Variants in SLC22A23 observed in about 807,000 individuals in gnomAD.
SLC22A23 encodes the protein ion transporter protein.
In SLC22A23, 26 loss-of-function variants were observed where a neutral mutation model predicts 61.0. The observed-to-expected ratio is 0.43, with a 90% CI of 0.31 to 0.59. The LOEUF is 0.59. SLC22A23 is among the 20% of genes least tolerant of loss of function. SLC22A23 has a pLI of 0.11. For missense variants in SLC22A23, 796 were observed against 934.7 expected, an observed-to-expected ratio of 0.85 and a Z score of 1.94; for synonymous variants, 430 against 413.9, an observed-to-expected ratio of 1.04 and a Z score of -0.47.
rs1268103926 is a variant in SLC22A23, at chr6:3,308,872, G to A, written c.1083-10654C>T. Among the ~76,000 whole-genome samples the A allele has an allele frequency of 1.3e-5, 2 of 151,956 alleles. No homozygotes were observed. The highest frequency in any genetic ancestry group is 6.5e-5 in the Admixed American group (1 of 15,268). The stretch of plus-strand genomic sequence containing the variant: ...GCAGGAGAATCACTTGAACCTGGGA[G>A]GCAGAGGTTGCAGTGAGCCGAGATT... On this transcript the variant is annotated intron_variant, in intron 4 of 9. Transcript: ENST00000406686. The surrounding 1 kb of genome is among the most constrained non-coding windows in gnomAD (Gnocchi z 5.1).
intron 7 of SLC22A23, 122 bp from the exon 8 acceptor site, chr6:3,285,233 C>T (rs1329241188): frequency 8.8e-6 from 12 of 1,368,164 alleles, no homozygotes; most frequent in Non-Finnish European, 1.0e-5. Context: ...TTCAAGCAAA[C>T]TCCCTTCCGT....
At chr6:3,284,497 G>A (rs1029477414) in intron 8 of SLC22A23, among the ~76,000 whole-genome samples, 1 of 152,212 alleles carries the variant, frequency 6.6e-6, no homozygotes, top group African/African-American at 2.4e-5. Context: ...CTGGCACAGT[G>A]CACGGGCATG....
intron 1 of SLC22A23, chr6:3,432,244 G>T: frequency 1.0e-5 from 10 of 985,490 alleles, no homozygotes; most frequent in African/African-American, 1.7e-5. Context: ...AGAGCCTGCG[G>T]CAGGAAAGCT....
intron 4 of SLC22A23, among the ~76,000 whole-genome samples, chr6:3,311,103 G>A (rs1324567082): frequency 6.6e-6 from 1 of 152,242 alleles, no homozygotes; most frequent in African/African-American, 2.4e-5. Context: ...CACACACAGT[G>A]TCTGGGCCCC....
At chr6:3,343,335 G>T (rs1161748407) in intron 3 of SLC22A23, among the ~76,000 whole-genome samples, 1 of 152,186 alleles carries the variant, frequency 6.6e-6, no homozygotes, top group African/African-American at 2.4e-5. Context: ...GCCCCAAGAG[G>T]TTAGTTACCA....
chr6:3,383,337 T>C (rs1246116999), intron 3 of SLC22A23, among the ~76,000 whole-genome samples: 4 of 152,304 alleles, frequency 2.6e-5, no homozygotes, highest in Admixed American at 2.0e-4. Context: ...TTCTGGCTGG[T>C]TTTTTCTCTG....
chr6:3,338,423 G>A (rs1463876295), intron 3 of SLC22A23, among the ~76,000 whole-genome samples: 31 of 152,188 alleles, frequency 2.0e-4, no homozygotes, highest in East Asian at 3.9e-4. Flanking sequence ...TCCGCCTCCC[G>A]GGTTCAAGTG....
rs368467641 is a variant in SLC22A23, at chr6:3,317,513, C to T, written c.1082+6321G>A. Among the ~76,000 whole-genome samples, 3 of 152,142 alleles carry T rather than the reference C, an allele frequency of 2.0e-5. No individual in the cohort carries two copies. Among genetic ancestry groups the T allele is most frequent in the East Asian group, 3.9e-4 (2 of 5,192 alleles). On this transcript the variant is annotated intron_variant, in intron 4 of 9. Transcript: ENST00000406686. This position sits in a 1 kb window ranked among gnomAD's most constrained non-coding sequence, Gnocchi z 4.4. ...TGTGGTTTGGATCTTGCATCTTCCC[C>T]GCCAACCCCTCGTTGTTGGCTGTGA... is the stretch of plus-strand genomic sequence containing the variant.
At chr6:3,332,564 C>T (rs908238870) in intron 3 of SLC22A23, among the ~76,000 whole-genome samples, 1 of 151,754 alleles carries the variant, frequency 6.6e-6, no homozygotes, top group African/African-American at 2.4e-5. Context: ...ATATGTTGCC[C>T]TTTTGGTTCT....
At chr6:3,433,193 G>A (rs931793926) in intron 1 of SLC22A23, among the ~76,000 whole-genome samples, 3 of 152,202 alleles carry the variant, frequency 2.0e-5, no homozygotes, top group Non-Finnish European at 2.9e-5. Context: ...CATGCTGCAC[G>A]GACAGGAGGA....
At position 3,306,694 on chromosome 6, in the gene SLC22A23, C is replaced by T. The variant is rs116218710; in HGVS notation, c.1083-8476G>A. ...ATCCCCAGGGCTTCTGTGGGAAGGA[C>T]GTGGGCAGAACTACAAGTCTCCACT... On this transcript the variant is annotated intron_variant, in intron 4 of 9. Transcript: ENST00000406686. Among the ~76,000 whole-genome samples the T allele has an allele frequency of 7.4e-3, 1,124 of 152,276 alleles. 12 individuals carry two copies. Among genetic ancestry groups the T allele is most frequent in the African/African-American group, 0.026 (1,079 of 41,552 alleles).
At position 3,416,847 on chromosome 6, in the gene SLC22A23, C is replaced by T. The variant is rs555245062; in HGVS notation, c.655-992G>A. ...AGGGAAGAAGCTGAAGAAATTCACG[C>T]CAATGCATTTGGGAACACCGGAGCG... On this transcript the variant is annotated intron_variant, in intron 1 of 9. Transcript: ENST00000406686. Among the ~76,000 whole-genome samples the T allele has an allele frequency of 2.0e-4, 31 of 152,306 alleles. No homozygotes were observed. The East Asian group carries it at 5.8e-3, about 28-fold the overall frequency.
intron 9 of SLC22A23, among the ~76,000 whole-genome samples, chr6:3,280,099 C>T (rs1267922250): frequency 6.6e-6 from 1 of 152,136 alleles, no homozygotes; most frequent in Non-Finnish European, 1.5e-5. Context: ...AATATTTGTA[C>T]CATTTTTTAT....
intron 3 of SLC22A23, among the ~76,000 whole-genome samples, chr6:3,393,739 C>T (rs908723563): frequency 2.6e-5 from 4 of 152,224 alleles, no homozygotes; most frequent in African/African-American, 4.8e-5. Flanking sequence ...TAACTTTCAA[C>T]GTTTGAAGAG....
rs1251388149 is a variant in SLC22A23 at position 3,328,471 on chromosome 6, G to A, written c.914-4469C>T. Among the ~76,000 whole-genome samples the A allele has an allele frequency of 6.6e-6, 1 of 152,108 alleles. No homozygotes were observed. Among genetic ancestry groups the A allele is most frequent in the Admixed American group, 6.5e-5 (1 of 15,276 alleles). On this transcript the variant is annotated intron_variant, in intron 3 of 9. Coordinates refer to ENST00000406686, the MANE Select transcript of SLC22A23 (RefSeq NM_015482.2). This position sits in a 1 kb window ranked among gnomAD's most constrained non-coding sequence, Gnocchi z 5.0. ...CTGAGGGAGTGGGGTGTGGGGGTTTGATGTGTCACGTGGCGGGGCTGCAGT... is the reference window on the plus strand; with the variant it reads ...CTGAGGGAGTGGGGTGTGGGGGTTTAATGTGTCACGTGGCGGGGCTGCAGT...
chr6:3,276,715 AG>A (rs1311010927), intron 9 of SLC22A23: 1 of 152,248 alleles, frequency 6.6e-6, no homozygotes, highest in African/African-American at 2.4e-5. Flanking sequence ...TTCTCGAGGA[AG>A]GAGATGCCTT....
At chr6:3,443,884 G>A (rs1329460066) in intron 1 of SLC22A23, among the ~76,000 whole-genome samples, 1 of 152,168 alleles carries the variant, frequency 6.6e-6, no homozygotes, top group Admixed American at 6.5e-5. Context: ...TGGGAACCGA[G>A]CTCACTTCTG....
chr6:3,334,704 C>A (rs1763756315), intron 3 of SLC22A23, among the ~76,000 whole-genome samples: 1 of 152,168 alleles, frequency 6.6e-6, no homozygotes, highest in East Asian at 1.9e-4. Flanking sequence ...GTGCTAGGGG[C>A]GGAGCCTGTG....
At chr6:3,337,306 G>A (rs916417082) in intron 3 of SLC22A23, among the ~76,000 whole-genome samples, 2 of 152,214 alleles carry the variant, frequency 1.3e-5, no homozygotes, top group Non-Finnish European at 2.9e-5. Flanking sequence ...TGCCTAAGGC[G>A]GAGGTGCCAT....
Sources: allele counts gnomAD v4.1 joint callset (sites outside exome capture counted in the v4.1 genomes callset), GRCh38; gene constraint gnomAD v4.1.1; non-coding constraint Gnocchi (gnomAD v3.1); transcripts MANE v1.5; gene names NCBI Gene and HGNC (gene_info 2026-07-23, HGNC 2026-07-21).